Variants in TFDP2 observed in about 807,000 individuals in gnomAD.
The protein encoded by TFDP2 is transcription factor Dp-2, also known as transcription factor Dp-2 (E2F dimerization partner 2).
Under a neutral mutation model 59.3 loss-of-function variants are expected in TFDP2, and 17 were observed. The observed-to-expected ratio is 0.29, with a 90% confidence interval of 0.20 to 0.43. The LOEUF is 0.43. Ranked by LOEUF, TFDP2 falls within the 20% of genes least tolerant of loss-of-function variation. The pLI, the probability that TFDP2 is intolerant of heterozygous loss-of-function variation, is 1.00. For synonymous variants in TFDP2, 180 were observed against 194.7 expected (o/e 0.92, Z 0.63); for missense variants, 391 against 528.8 (o/e 0.74, Z 2.56).
chr3:141,975,071 G>A (rs187610263), intron 7 of TFDP2, among the ~76,000 whole-genome samples: 2 of 151,596 alleles, frequency 1.3e-5, no homozygotes, highest in East Asian at 1.9e-4. Flanking sequence ...ACATCACCAC[G>A]CCCAGCTAAT....
chr3:142,064,731 C>T (rs1279448264), intron 3 of TFDP2, among the ~76,000 whole-genome samples: 1 of 151,896 alleles, frequency 6.6e-6, no homozygotes, highest in African/African-American at 2.4e-5. Flanking sequence ...AACAACGTCA[C>T]TGAAAAAAGG....
At chr3:142,045,491 G>A (rs897910086) in intron 3 of TFDP2, among the ~76,000 whole-genome samples, 2 of 151,808 alleles carry the variant, frequency 1.3e-5, no homozygotes, top group Non-Finnish European at 2.9e-5. Flanking sequence ...TAAATCCCAC[G>A]ATGCCTTTAA....
At chr3:142,006,799 G>C (rs1286726749) in intron 3 of TFDP2, among the ~76,000 whole-genome samples, 1 of 145,394 alleles carries the variant, frequency 6.9e-6, no homozygotes, top group Non-Finnish European at 1.5e-5. Flanking sequence ...CTTTTTTTTT[G>C]AGAGTCTTGC....
chr3:142,051,592 C>A (rs1947632463), intron 3 of TFDP2, among the ~76,000 whole-genome samples: 1 of 151,332 alleles, frequency 6.6e-6, no homozygotes, highest in Admixed American at 6.6e-5. Context: ...TCATTGAGAA[C>A]CACTGAGCTA....
intron 3 of TFDP2, among the ~76,000 whole-genome samples, chr3:142,083,474 G>C (rs187557318): frequency 6.6e-6 from 1 of 152,036 alleles, no homozygotes; most frequent in Non-Finnish European, 1.5e-5. Flanking sequence ...AAATACCAAT[G>C]ACATTCTTCA....
chr3:141,953,590 T>C (rs985003497), intron 11 of TFDP2, among the ~76,000 whole-genome samples: 3 of 152,190 alleles, frequency 2.0e-5, no homozygotes, highest in African/African-American at 7.2e-5. Flanking sequence ...AGATTTTTCC[T>C]GGTGTCTGTT....
chr3:142,041,855 C>A (rs949169251), intron 3 of TFDP2, among the ~76,000 whole-genome samples: 1 of 152,120 alleles, frequency 6.6e-6, no homozygotes, highest in Non-Finnish European at 1.5e-5. Context: ...AAGGTCTATG[C>A]CTAGGTTCAT....
intron 1 of TFDP2, among the ~76,000 whole-genome samples, chr3:142,133,447 C>T (rs2062591732): frequency 6.7e-6 from 1 of 149,944 alleles, no homozygotes; most frequent in Non-Finnish European, 1.5e-5. Flanking sequence ...CTCAAACCTC[C>T]TGCCTCCCTC....
intron 3 of TFDP2, among the ~76,000 whole-genome samples, chr3:142,019,653 C>CA (rs1025698774): frequency 6.6e-6 from 1 of 151,010 alleles, no homozygotes; most frequent in East Asian, 1.9e-4. Context: ...AAACACCCCC[C>CA]CCAACATCTT....
chr3:142,062,687 G>A (rs2059960485), intron 3 of TFDP2, among the ~76,000 whole-genome samples: 1 of 151,866 alleles, frequency 6.6e-6, no homozygotes, highest in Non-Finnish European at 1.5e-5. Context: ...CAAAGGACAT[G>A]GACTAAAATA....
At chr3:141,996,959 A>G (rs574257127) in intron 4 of TFDP2, among the ~76,000 whole-genome samples, 125 of 152,374 alleles carry the variant, frequency 8.2e-4, no homozygotes, top group Non-Finnish European at 4.1e-4. Context: ...TAAGGCACTC[A>G]GAAGTTTGCC....
rs1939043417 is a variant in TFDP2, at chr3:141,969,037, T to TAG, written c.732+1035_732+1036insCT. ...ATATATATATAACATATATCTCATA[T>TAG]ATAGATATATATATAACATATATAT... On this transcript the variant is annotated intron_variant, in intron 9 of 12. Coordinates refer to ENST00000489671, the MANE Select transcript of TFDP2 (RefSeq NM_001178139.2). Among the ~76,000 whole-genome samples, 5 of 94,418 alleles carry TAG rather than the reference T, an allele frequency of 5.3e-5. 1 individual carries two copies. The highest frequency in any genetic ancestry group is 1.2e-4 in the African/African-American group (3 of 24,886). 61.9% of individuals were successfully genotyped at this position (94,418 alleles called of 152,430 possible). A position where few individuals can be genotyped will look rare whatever the true frequency, so the allele number is the denominator to read the frequency against.
At chr3:142,120,408 C>T (rs1021435449) in intron 1 of TFDP2, among the ~76,000 whole-genome samples, 7 of 152,066 alleles carry the variant, frequency 4.6e-5, no homozygotes, top group African/African-American at 1.7e-4. Context: ...TATAGTGTTA[C>T]GTTTTCTTAA....
intron 4 of TFDP2, among the ~76,000 whole-genome samples, chr3:141,996,956 C>T (rs370198411): frequency 6.1e-4 from 93 of 152,326 alleles, no homozygotes; most frequent in African/African-American, 2.2e-3. Flanking sequence ...AAATAAGGCA[C>T]TCAGAAGTTT....
chr3:142,020,865 G>A (rs1171469128), intron 3 of TFDP2, among the ~76,000 whole-genome samples: 2 of 151,628 alleles, frequency 1.3e-5, no homozygotes, highest in African/African-American at 4.8e-5. Flanking sequence ...CACACTTATG[G>A]TCCCAGCTAT....
At chr3:142,091,068 G>A (rs1350498938) in intron 3 of TFDP2, among the ~76,000 whole-genome samples, 1 of 152,132 alleles carries the variant, frequency 6.6e-6, no homozygotes, top group Admixed American at 6.6e-5. Flanking sequence ...TTGTGAATAA[G>A]CTATGGGTAT....
chr3:142,116,491 C>T (rs2061857160), intron 1 of TFDP2, among the ~76,000 whole-genome samples: 1 of 152,218 alleles, frequency 6.6e-6, no homozygotes, highest in Admixed American at 6.5e-5. Context: ...CTACCAGAAA[C>T]TGGAAGAAGC....
intron 3 of TFDP2, among the ~76,000 whole-genome samples, chr3:142,052,105 A>C (rs1947660228): frequency 6.6e-6 from 1 of 152,160 alleles, no homozygotes. Context: ...CGGCCAAGCA[A>C]GACTGTCTTG....
chr3:141,979,866 G>C (rs1041246925), intron 6 of TFDP2, among the ~76,000 whole-genome samples: 1 of 151,736 alleles, frequency 6.6e-6, no homozygotes, highest in South Asian at 2.1e-4. Flanking sequence ...TGGGATTACA[G>C]GCGTGAGCCA....
Sources: gnomAD v4.1 joint callset for allele counts (sites outside exome capture counted in the v4.1 genomes callset) on GRCh38, gnomAD v4.1.1 for gene constraint, MANE v1.5 for transcripts, NCBI Gene and HGNC (gene_info 2026-07-23, HGNC 2026-07-21) for gene names.